LSAMP: variants seen among roughly 807,000 people sequenced by gnomAD.
LSAMP encodes the protein limbic system associated membrane protein, also known as limbic system-associated membrane protein.
In LSAMP, 7 loss-of-function variants were observed where a neutral mutation model predicts 38.6. The ratio of observed to expected loss-of-function variants is 0.18; its 90% CI spans 0.10 to 0.34. The LOEUF is 0.34. Among genes scored for constraint, LSAMP ranks in the 10% least tolerant of loss-of-function variants. The pLI is 1.00. For missense variants in LSAMP, 313 were observed against 420.0 expected, an observed-to-expected ratio of 0.75 and a Z score of 2.23; for synonymous variants, 154 against 166.8, an observed-to-expected ratio of 0.92 and a Z score of 0.59.
chr3:115,880,811 C>G (rs1380566542), intron 3 of LSAMP, among the ~76,000 whole-genome samples: 1 of 151,954 alleles, frequency 6.6e-6, no homozygotes. Context: ...GCGGGAAGAT[C>G]ATTTGAGGTC....
chr3:115,921,930 A>T (rs1937392090), intron 3 of LSAMP, among the ~76,000 whole-genome samples: 1 of 152,148 alleles, frequency 6.6e-6, no homozygotes, highest in African/African-American at 2.4e-5. Context: ...TAATCTTATG[A>T]TTACTCCCTT....
At chr3:116,064,106 T>C (rs1941641966) in intron 2 of LSAMP, among the ~76,000 whole-genome samples, 1 of 152,234 alleles carries the variant, frequency 6.6e-6, no homozygotes, top group African/African-American at 2.4e-5. Context: ...ATCTTATTAA[T>C]AGTCTTCAAA....
At chr3:116,094,059 T>G (rs1708175783) in intron 1 of LSAMP, among the ~76,000 whole-genome samples, 1 of 152,210 alleles carries the variant, frequency 6.6e-6, no homozygotes, top group African/African-American at 2.4e-5. Context: ...TTTATAACAT[T>G]ATTTTAAGTA....
chr3:116,058,436 A>G (rs937652395), intron 2 of LSAMP, among the ~76,000 whole-genome samples: 1 of 151,494 alleles, frequency 6.6e-6, no homozygotes, highest in Non-Finnish European at 1.5e-5. Context: ...GTCAGTTTCC[A>G]AGGGTTTCTG....
chr3:116,297,114 A>T (rs2047346924), intron 1 of LSAMP, among the ~76,000 whole-genome samples: 1 of 152,192 alleles, frequency 6.6e-6, no homozygotes, highest in African/African-American at 2.4e-5. Flanking sequence ...ACAAAACAAA[A>T]TGTTGTGACT....
intron 1 of LSAMP, among the ~76,000 whole-genome samples, chr3:116,142,290 G>T (rs1427096337): frequency 1.3e-5 from 2 of 152,020 alleles, no homozygotes; most frequent in African/African-American, 4.8e-5. Context: ...TACATGGGAT[G>T]ACTGACACTG....
intron 1 of LSAMP, among the ~76,000 whole-genome samples, chr3:116,429,089 C>A (rs1263455068): frequency 6.6e-6 from 1 of 152,180 alleles, no homozygotes; most frequent in Non-Finnish European, 1.5e-5. Flanking sequence ...TTAACAGTTG[C>A]CTGGCCCCAC....
chr3:115,891,322 T>TA (rs1559869192), intron 3 of LSAMP, among the ~76,000 whole-genome samples: 1 of 152,014 alleles, frequency 6.6e-6, no homozygotes, highest in Non-Finnish European at 1.5e-5. Flanking sequence ...AACAGAAGCT[T>TA]AAAATGGGCA....
At chr3:116,002,349 A>C (rs1213466507) in intron 3 of LSAMP, among the ~76,000 whole-genome samples, 2 of 152,208 alleles carry the variant, frequency 1.3e-5, no homozygotes, top group Non-Finnish European at 2.9e-5. Context: ...AAGATGAAGA[A>C]TATTTTCTTG....
intron 4 of LSAMP, among the ~76,000 whole-genome samples, chr3:115,845,931 G>A (rs1935143686): frequency 6.6e-6 from 1 of 152,142 alleles, no homozygotes; most frequent in Admixed American, 6.5e-5. Flanking sequence ...TGAAAACTTA[G>A]GAATTTTCTT....
intron 1 of LSAMP, among the ~76,000 whole-genome samples, chr3:116,416,851 C>T (rs1366837152): frequency 1.3e-5 from 2 of 151,806 alleles, no homozygotes; most frequent in Non-Finnish European, 2.9e-5. Flanking sequence ...TAGCAAGTGT[C>T]TTAATAATAA....
At chr3:115,894,975 A>G (rs1391446108) in intron 3 of LSAMP, among the ~76,000 whole-genome samples, 1 of 72,558 alleles carries the variant, frequency 1.4e-5, no homozygotes, top group Non-Finnish European at 2.7e-5. Flanking sequence ...AAGAGAACCA[A>G]ATGCGGATGA....
chr3:116,121,742 C>A (rs1293626605), intron 1 of LSAMP, among the ~76,000 whole-genome samples: 1 of 152,104 alleles, frequency 6.6e-6, no homozygotes, highest in African/African-American at 2.4e-5. Flanking sequence ...AATGGTAGAG[C>A]CAGGTCAAGA....
intron 3 of LSAMP, among the ~76,000 whole-genome samples, chr3:115,994,033 GTGTT>G (rs1309607288): frequency 1.3e-5 from 2 of 151,988 alleles, no homozygotes; most frequent in Non-Finnish European, 2.9e-5. Context: ...AGAAACTTTG[GTGTT>G]TGTTTGTTTG....
intron 1 of LSAMP, among the ~76,000 whole-genome samples, chr3:116,268,739 ATATAATTTGTTGCTCATTTGTTGCT>A (rs1342219473): frequency 3.9e-5 from 6 of 152,006 alleles, no homozygotes; most frequent in Admixed American, 6.6e-5. Flanking sequence ...ATTTTAAAGT[ATATAATTTGTTGCTCATTTGTTGCT>A]TATAATTTGT....
intron 3 of LSAMP, among the ~76,000 whole-genome samples, chr3:115,973,961 A>G (rs1939102390): frequency 6.6e-6 from 1 of 152,216 alleles, no homozygotes; most frequent in Non-Finnish European, 1.5e-5. Flanking sequence ...TACCACTTGT[A>G]AAATAACAAT....
rs532567522 is a variant in LSAMP at position 115,805,275 on chromosome 3, C to A, written c.*5042G>T. On this transcript the variant is annotated 3_prime_UTR_variant, in exon 7 of 7. Transcript: ENST00000490035. ...ACTTGAGCAGGATATAAACCTTGAA[C>A]TGTTCCTGTGGGTCTGCTTCCTTTG... 2.6e-5 allele frequency: 4 copies of A among 152,308 alleles called. 1 individual carries two copies. The South Asian group carries it at 8.3e-4, about 32-fold the overall frequency. 9.4% of individuals were successfully genotyped at this position (152,308 alleles called of 1,614,324 possible).
At chr3:116,118,480 C>T (rs904269254) in intron 1 of LSAMP, among the ~76,000 whole-genome samples, 1 of 152,174 alleles carries the variant, frequency 6.6e-6, no homozygotes. Flanking sequence ...ATTGTTTTTG[C>T]TGTGCTCTTC....
intron 2 of LSAMP, among the ~76,000 whole-genome samples, chr3:116,028,772 T>A (rs756399895): frequency 6.6e-6 from 1 of 152,168 alleles, no homozygotes; most frequent in South Asian, 2.1e-4. Flanking sequence ...ATTCTAGTTA[T>A]ATTTTTGCAG....
Sources: gnomAD v4.1 joint callset for allele counts (sites outside exome capture counted in the v4.1 genomes callset) on GRCh38, gnomAD v4.1.1 for gene constraint, MANE v1.5 for transcripts, NCBI Gene and HGNC (gene_info 2026-07-23, HGNC 2026-07-21) for gene names.